The following ARL8B variants were observed in gnomAD, a reference collection of about 807,000 sequenced individuals.
ARL8B encodes the protein ARF like GTPase 8B.
In ARL8B, 9 loss-of-function variants were observed where a neutral mutation model predicts 30.6. The observed-to-expected ratio is 0.29, with a 90% CI of 0.18 to 0.51. The LOEUF (loss-of-function observed/expected upper bound fraction) is 0.51. Among genes scored for constraint, ARL8B ranks in the 20% least tolerant of loss-of-function variants. The pLI is 0.97. For missense variants in ARL8B, 130 were observed against 227.2 expected (o/e 0.57, Z 2.75); for synonymous variants, 74 against 76.0 (o/e 0.97, Z 0.14).
At chr3:5,138,810 G>T (rs957687233) in intron 1 of ARL8B, among the ~76,000 whole-genome samples, 1 of 152,214 alleles carries the variant, frequency 6.6e-6, no homozygotes, top group South Asian at 2.1e-4. Flanking sequence ...CATTTTAAGA[G>T]TTGAGTTTCA....
chr3:5,147,284 C>G (rs560019472), intron 1 of ARL8B, among the ~76,000 whole-genome samples: 6 of 152,208 alleles, frequency 3.9e-5, no homozygotes, highest in Admixed American at 3.3e-4. Flanking sequence ...GTTTTCTGTC[C>G]TTGGCGATAG....
At chr3:5,140,232 T>C (rs1295014379) in intron 1 of ARL8B, among the ~76,000 whole-genome samples, 9 of 152,164 alleles carry the variant, frequency 5.9e-5, no homozygotes, top group Admixed American at 5.9e-4. Flanking sequence ...GCTCCCATAA[T>C]TCCCACATGT....
intron 1 of ARL8B, among the ~76,000 whole-genome samples, chr3:5,150,463 A>AAAGTAAAT (rs1553580545): frequency 1.7e-4 from 25 of 145,954 alleles, no homozygotes; most frequent in African/African-American, 2.4e-4. Context: ...AATCCATGTC[A>AAAGTAAAT]AAATAAATAA....
At chr3:5,155,147 C>T (rs2054520609) in intron 1 of ARL8B, among the ~76,000 whole-genome samples, 2 of 152,190 alleles carry the variant, frequency 1.3e-5, no homozygotes, top group Admixed American at 6.5e-5. Context: ...TTTAATTTTT[C>T]TCCAACTTCT....
intron 1 of ARL8B, among the ~76,000 whole-genome samples, chr3:5,163,965 G>T (rs2054603280): frequency 6.6e-6 from 1 of 152,182 alleles, no homozygotes; most frequent in Non-Finnish European, 1.5e-5. Flanking sequence ...GGAAGATAAA[G>T]AATAGAATAT....
At chr3:5,141,018 A>C (rs3796334) in intron 1 of ARL8B, among the ~76,000 whole-genome samples, 25,334 of 152,166 alleles carry the variant, frequency 0.17, 2,640 homozygotes, top group African/African-American at 0.28. Flanking sequence ...GTTGAGTACT[A>C]TGGGGTTACA....
At chr3:5,123,024 C>T (rs1348786165) in intron 1 of ARL8B, among the ~76,000 whole-genome samples, 11 of 152,138 alleles carry the variant, frequency 7.2e-5, no homozygotes, top group Admixed American at 6.6e-5. Flanking sequence ...GCATTAAGAG[C>T]CTCTCTTAAG....
intron 1 of ARL8B, among the ~76,000 whole-genome samples, chr3:5,122,837 T>C (rs2054194602): frequency 1.3e-5 from 2 of 152,162 alleles, no homozygotes; most frequent in Admixed American, 1.3e-4. Context: ...GGCTGTGTCC[T>C]CAACGCCGCG....
At chr3:5,133,252 AGT>A in intron 1 of ARL8B, among the ~76,000 whole-genome samples, 1 of 152,334 alleles carries the variant, frequency 6.6e-6, no homozygotes, top group East Asian at 1.9e-4. Context: ...GCCTTGACTG[AGT>A]GTGACATTAG....
intron 1 of ARL8B, among the ~76,000 whole-genome samples, chr3:5,161,028 C>T (rs930047757): frequency 1.3e-5 from 2 of 152,182 alleles, no homozygotes; most frequent in African/African-American, 2.4e-5. Flanking sequence ...AAGCCATCTT[C>T]CCACCTCAGC....
intron 1 of ARL8B, among the ~76,000 whole-genome samples, chr3:5,169,312 T>C (rs2054650322): frequency 9.4e-6 from 1 of 106,324 alleles, no homozygotes; most frequent in Non-Finnish European, 1.9e-5. Flanking sequence ...TGTTTGTGTG[T>C]GTGTGTGTGT....
At chr3:5,145,207 T>C (rs1039280351) in intron 1 of ARL8B, among the ~76,000 whole-genome samples, 1 of 152,168 alleles carries the variant, frequency 6.6e-6, no homozygotes, top group African/African-American at 2.4e-5. Context: ...TAAGCAGTTA[T>C]GGTCTGATGG....
chr3:5,122,541 G>A lies in ARL8B; in HGVS notation c.76G>A (p.Val26Met). The part of the protein sequence containing the change: ...FWKEEMELTL[V>M]GLQYSGKTTF... ...GAAGGAAGAGATGGAGCTGACGCTC[G>A]TGGGGCTGCAGTACTCGGGCAAGAC... Residue 26 changes from valine to methionine, a missense_variant, in exon 1 of 7, where the codon GTG becomes ATG. Physicochemically the swap from Val to Met is conservative, Grantham distance 21. Transcript: ENST00000256496. 1 of 1,612,878 alleles carries A rather than the reference G, an allele frequency of 6.2e-7. No individual in the cohort carries two copies. Among genetic ancestry groups the A allele is most frequent in the Non-Finnish European group, 8.5e-7 (1 of 1,179,492 alleles).
intron 2 of ARL8B, chr3:5,170,878 G>C (rs2054667502): frequency 4.4e-6 from 1 of 228,718 alleles, no homozygotes; most frequent in African/African-American, 2.3e-5. Context: ...TGACAGGCTT[G>C]TGCCACCACA....
At chr3:5,173,992 C>G (rs2106572946) in intron 4 of ARL8B, 25 bp from the exon 5 acceptor site, 8 of 1,549,062 alleles carry the variant, frequency 5.2e-6, no homozygotes, top group Non-Finnish European at 7.1e-6. Context: ...TAAACGTGTG[C>G]TCTTAATATC....
rs546423677 is a variant in ARL8B, at chr3:5,145,946, C to T, written c.123+23358C>T. ...TTTGTTTTTAGAGACTTGCAATCCC[C>T]TCTCTCCTAGGAAATTATTATAGTG... On this transcript the variant is annotated intron_variant, in intron 1 of 6. Transcript: ENST00000256496. Among the ~76,000 whole-genome samples the T allele has an allele frequency of 3.9e-5, 6 of 152,244 alleles. No homozygotes were observed. In the South Asian group the frequency reaches 8.3e-4, roughly 21 times the overall value.
At chr3:5,131,507 C>T (rs2054283817) in intron 1 of ARL8B, among the ~76,000 whole-genome samples, 1 of 152,018 alleles carries the variant, frequency 6.6e-6, no homozygotes, top group African/African-American at 2.4e-5. Context: ...TCTCCTGCCT[C>T]AGCCTCCTGA....
chr3:5,147,239 A>G (rs1420998184), intron 1 of ARL8B, among the ~76,000 whole-genome samples: 1 of 152,106 alleles, frequency 6.6e-6, no homozygotes, highest in Admixed American at 6.6e-5. Flanking sequence ...CTCATTGTTC[A>G]GTTCCCACCT....
chr3:5,143,745 G>C (rs1041810321), intron 1 of ARL8B, among the ~76,000 whole-genome samples: 1 of 152,216 alleles, frequency 6.6e-6, no homozygotes, highest in Non-Finnish European at 1.5e-5. Flanking sequence ...GAACTCAAGA[G>C]GAAGAGTTTG....
Sources: gnomAD v4.1 joint callset for allele counts (sites outside exome capture counted in the v4.1 genomes callset) on GRCh38, gnomAD v4.1.1 for gene constraint, MANE v1.5 for transcripts, NCBI Gene and HGNC (gene_info 2026-07-23, HGNC 2026-07-21) for gene names.